PHACTR3: variants seen among roughly 807,000 people sequenced by gnomAD.
The protein encoded by PHACTR3 is phosphatase and actin regulator 3.
Under a neutral mutation model 66.8 loss-of-function variants are expected in PHACTR3, and 16 were observed. The ratio of observed to expected loss-of-function variants is 0.24; its 90% CI spans 0.16 to 0.36. PHACTR3 has a LOEUF of 0.36. PHACTR3 is among the 10% of genes least tolerant of loss of function. The pLI, the probability that PHACTR3 is intolerant of heterozygous loss-of-function variation, is 1.00. For synonymous variants in PHACTR3, 323 were observed against 292.1 expected, an observed-to-expected ratio of 1.11 and a Z score of -1.08; for missense variants, 647 against 719.9, an observed-to-expected ratio of 0.90 and a Z score of 1.16.
intron 2 of PHACTR3, 111 bp downstream of exon 2, chr20:59,743,379 A>G (rs2039246122): frequency 1.5e-6 from 2 of 1,347,602 alleles, no homozygotes; most frequent in Admixed American, 2.2e-5. Context: ...CAGGAGGGGC[A>G]GATGTGCTTC....
At chr20:59,776,824 A>G (rs1601331161) in intron 7 of PHACTR3, among the ~76,000 whole-genome samples, 1 of 151,842 alleles carries the variant, frequency 6.6e-6, no homozygotes, top group Admixed American at 6.5e-5. Context: ...ATCTAGCAGC[A>G]CCCTTGGCTC....
At chr20:59,685,051 G>A (rs1041846999) in intron 1 of PHACTR3, among the ~76,000 whole-genome samples, 4 of 152,046 alleles carry the variant, frequency 2.6e-5, no homozygotes, top group Admixed American at 1.3e-4. Context: ...AATTCTACTT[G>A]TGGCTCCAGG....
intron 3 of PHACTR3, among the ~76,000 whole-genome samples, chr20:59,751,708 C>T (rs962995155): frequency 6.6e-6 from 1 of 152,044 alleles, no homozygotes; most frequent in African/African-American, 2.4e-5. Context: ...TGACTCTAGT[C>T]GCCAGCTTGG....
At chr20:59,583,619 C>T (rs528938510) in intron 1 of PHACTR3, among the ~76,000 whole-genome samples, 4 of 152,330 alleles carry the variant, frequency 2.6e-5, no homozygotes, top group African/African-American at 9.6e-5. Flanking sequence ...CTGGCTTTCC[C>T]GGAACCCTCC....
chr20:59,751,690 C>T (rs563309154), intron 3 of PHACTR3, among the ~76,000 whole-genome samples: 260 of 152,224 alleles, frequency 1.7e-3, no homozygotes, highest in East Asian at 6.8e-3. Flanking sequence ...CCTCCCCTCT[C>T]GTTCCTGTGA....
In PHACTR3 at chr20:59,774,422, A is replaced by G. The variant is rs755938563; in HGVS notation, c.1106A>G (p.Asn369Ser). The G allele has an allele frequency of 4.3e-6, 7 of 1,614,100 alleles. No individual in the cohort carries two copies. The South Asian group carries it at 6.6e-5, about 15-fold the overall frequency. The change falls in exon 7 of 13, where the codon AAT becomes AGT. Residue 369 changes from asparagine (N) to serine (S), a missense_variant. Asn to Ser is a conservative substitution (Grantham distance 46). Around this residue, in one of 2 missense-constraint regions of PHACTR3, gnomAD observed 577 missense variants for 571.1 expected, o/e 1.01. Transcript: ENST00000371015. The stretch of plus-strand genomic sequence containing the variant: ...GAGAACAAGGAGAACCTGATCATAA[A>G]TTCTGAACTCAAAGACGACTTGCTT... ...SEENKENLII[N>S]SELKDDLLLY...
chr20:59,813,002 C>T (rs898325829), intron 8 of PHACTR3, among the ~76,000 whole-genome samples: 5 of 152,188 alleles, frequency 3.3e-5, no homozygotes, highest in Admixed American at 6.5e-5. Context: ...GCCAAGCATC[C>T]GGCTCACACC....
At chr20:59,707,929 T>C (rs1601153685) in intron 1 of PHACTR3, among the ~76,000 whole-genome samples, 1 of 152,218 alleles carries the variant, frequency 6.6e-6, no homozygotes, top group Admixed American at 6.5e-5. Context: ...AAATTACCCA[T>C]TCTCAAGTGT....
intron 1 of PHACTR3, among the ~76,000 whole-genome samples, chr20:59,710,858 G>C (rs966315771): frequency 4.0e-5 from 6 of 151,852 alleles, no homozygotes; most frequent in Non-Finnish European, 8.8e-5. Context: ...CACCCCTCAA[G>C]GTCTGGTTCA....
rs200149468 is a variant in PHACTR3 at position 59,767,339 on chromosome 20, C to A, written c.695C>A (p.Pro232Gln). The A allele has an allele frequency of 6.8e-6, 11 of 1,614,136 alleles. No individual in the cohort carries two copies. In the African/African-American group the frequency reaches 8.0e-5, roughly 12 times the overall value. Residue 232 changes from proline to glutamine, a missense_variant, in exon 5 of 13, where the codon CCA becomes CAA. Coordinates refer to ENST00000371015, the MANE Select transcript of PHACTR3 (RefSeq NM_080672.5). ...ERSVGQLPSP[P>Q]LLPTPPPKAS... The stretch of plus-strand genomic sequence containing the variant: ...TCCGTGGGCCAGCTCCCCAGCCCCC[C>A]ACTGCTGCCCACTCCGCCACCCAAG...
intron 5 of PHACTR3, among the ~76,000 whole-genome samples, chr20:59,768,239 A>G (rs1192571921): frequency 1.3e-5 from 2 of 152,228 alleles, no homozygotes; most frequent in African/African-American, 4.8e-5. Flanking sequence ...TCTCAGGGAA[A>G]AAGTAGGCTG....
chr20:59,687,091 A>T (rs1386367803), intron 1 of PHACTR3, among the ~76,000 whole-genome samples: 1 of 150,644 alleles, frequency 6.6e-6, no homozygotes, highest in Non-Finnish European at 1.5e-5. Context: ...GGTGATTGTG[A>T]TGATGGTGGT....
At chr20:59,843,978 AAAAC>A (rs2059108982) in intron 11 of PHACTR3, 1 of 152,022 alleles carries the variant, frequency 6.6e-6, no homozygotes, top group Non-Finnish European at 1.5e-5. Context: ...GTCAAAAAAC[AAAAC>A]AAATAATCCC....
At chr20:59,715,389 A>G (rs2038057776) in intron 1 of PHACTR3, among the ~76,000 whole-genome samples, 1 of 152,154 alleles carries the variant, frequency 6.6e-6, no homozygotes, top group Non-Finnish European at 1.5e-5. Flanking sequence ...TGATCCTATA[A>G]CTTTTCTAAT....
chr20:59,830,163 T>TGATGGAAGAG lies in PHACTR3; in HGVS notation c.1329-6341_1329-6340insATGGAAGAGG, dbSNP rs1349091946. Among the ~76,000 whole-genome samples the TGATGGAAGAG allele has an allele frequency of 5.2e-3, 785 of 150,940 alleles. 19 individuals are homozygous for TGATGGAAGAG. The highest frequency in any genetic ancestry group is 0.017 in the East Asian group (90 of 5,166). Reference sequence around the variant, plus strand: ...TGACAGACAGGAGCATGTGCGTGTCTGGTGGAAGAGGGTGTGCGTGTCTGA... The same window carrying TGATGGAAGAG: ...TGACAGACAGGAGCATGTGCGTGTCTGATGGAAGAGGGTGGAAGAGGGTGTGCGTGTCTGA... On this transcript the variant is annotated intron_variant, in intron 8 of 12. Transcript: ENST00000371015. This position sits in a 1 kb window ranked among gnomAD's most constrained non-coding sequence, Gnocchi z 5.8.
chr20:59,616,733 T>C (rs1023313743), intron 1 of PHACTR3, among the ~76,000 whole-genome samples: 6 of 152,246 alleles, frequency 3.9e-5, no homozygotes, highest in Non-Finnish European at 8.8e-5. Context: ...GACACTGAGC[T>C]AAGGGAGCAC....
intron 1 of PHACTR3, among the ~76,000 whole-genome samples, chr20:59,609,084 G>A (rs1395805957): frequency 6.6e-6 from 1 of 152,210 alleles, no homozygotes; most frequent in African/African-American, 2.4e-5. Flanking sequence ...CCTGCCAGCT[G>A]GATGGGGCCA....
rs770323447 is a variant in PHACTR3 at position 59,716,442 on chromosome 20, G to A, written c.119-26665G>A. ...TAATTTTCATATTTTTACTAGAGAC[G>A]GGGTTTCACCATGTTGCCCAGGCTG... On this transcript the variant is annotated intron_variant, in intron 1 of 12. Transcript: ENST00000371015. 2.6e-4 allele frequency among the ~76,000 whole-genome samples: 40 copies of A among 151,890 alleles called. 1 individual carries two copies. Among genetic ancestry groups the A allele is most frequent in the African/African-American group, 8.5e-4 (35 of 41,388 alleles).
chr20:59,816,846 C>T (rs190784779), intron 8 of PHACTR3, among the ~76,000 whole-genome samples: 21 of 152,156 alleles, frequency 1.4e-4, no homozygotes, highest in African/African-American at 4.1e-4. Context: ...TTATAAGATG[C>T]ATGAGTATAG....
Sources: gnomAD v4.1 joint callset for allele counts (sites outside exome capture counted in the v4.1 genomes callset) on GRCh38, gnomAD v4.1.1 for gene constraint, gnomAD v4.1.1 regional missense constraint, Gnocchi (gnomAD v3.1) non-coding constraint, MANE v1.5 for transcripts, NCBI Gene and HGNC (gene_info 2026-07-23, HGNC 2026-07-21) for gene names.